FMN2: variants seen among roughly 807,000 people sequenced by gnomAD.
FMN2 encodes the protein formin-2.
FMN2 carries 51 observed loss-of-function variants against 142.3 expected under a neutral mutation model. That is an observed-to-expected ratio of 0.36 (90% confidence interval 0.29 to 0.45). FMN2 has a LOEUF of 0.45. FMN2 is among the 20% of genes least tolerant of loss of function. FMN2 has a pLI of 1.00. For synonymous variants in FMN2, 882 were observed against 869.8 expected (o/e 1.01, Z -0.25); for missense variants, 1,936 against 2,122.8 (o/e 0.91, Z 1.73).
chr1:240,331,876 C>G (rs940068177), intron 11 of FMN2, among the ~76,000 whole-genome samples: 1 of 152,146 alleles, frequency 6.6e-6, no homozygotes, highest in African/African-American at 2.4e-5. Flanking sequence ...TGCTGAATAT[C>G]TCATGTAATT....
intron 15 of FMN2, among the ~76,000 whole-genome samples, chr1:240,400,085 A>C (rs1287426121): frequency 6.6e-6 from 1 of 152,204 alleles, no homozygotes; most frequent in Admixed American, 6.5e-5. Flanking sequence ...ATGATACAGC[A>C]GCAACAAGCA....
At chr1:240,458,367 C>G (rs1676322858) in intron 16 of FMN2, 1 of 152,108 alleles carries the variant, frequency 6.6e-6, no homozygotes, top group Admixed American at 6.5e-5. Context: ...TTGTTGTACT[C>G]TTTTATGAGT....
chr1:240,383,988 G>A (rs1356946859), intron 14 of FMN2, among the ~76,000 whole-genome samples: 1 of 151,932 alleles, frequency 6.6e-6, no homozygotes, highest in Non-Finnish European at 1.5e-5. Context: ...ATAAAATTGT[G>A]TCCTTTACAG....
In FMN2 at chr1:240,207,639, C is replaced by T; in HGVS notation, c.2827C>T (p.Pro943Ser). 8.8e-7 allele frequency: 1 copy of T among 1,133,812 alleles called. No individual in the cohort carries two copies. Among genetic ancestry groups the T allele is most frequent in the South Asian group, 1.7e-5 (1 of 58,050 alleles). The allele number at this position is 1,133,812 out of a possible 1,614,324, so 70.2% of individuals were successfully genotyped here. ...PLPPLPGAGIPPPPPLPGAAI... is the reference protein window; with the variant it reads ...PLPPLPGAGISPPPPLPGAAI... ...GCCCCCTCTACCCGGAGCGGGAATA[C>T]CTCCTCCGCCCCCTCTACCCGGAGC... Residue 943 changes from proline to serine, a missense_variant, in exon 5 of 18, where the codon CCT (proline) becomes TCT (serine). Transcript: ENST00000319653.
chr1:240,451,248 C>T (rs1035369722), intron 16 of FMN2, among the ~76,000 whole-genome samples: 3 of 151,200 alleles, frequency 2.0e-5, no homozygotes, highest in African/African-American at 7.4e-5. Context: ...TACCTGTAAT[C>T]CTCATGAGGC....
chr1:240,461,884 A>C (rs9659270), intron 16 of FMN2, among the ~76,000 whole-genome samples: 7,053 of 152,190 alleles, frequency 0.046, 532 homozygotes, highest in African/African-American at 0.16. Flanking sequence ...CCACTGCCCC[A>C]CTGTAAATAG....
intron 3 of FMN2, among the ~76,000 whole-genome samples, chr1:240,184,939 C>T (rs1383334172): frequency 1.4e-5 from 2 of 148,002 alleles, no homozygotes; most frequent in Non-Finnish European, 3.0e-5. Flanking sequence ...CTTTCTCCCT[C>T]CTATACCTTC....
intron 6 of FMN2, among the ~76,000 whole-genome samples, chr1:240,226,835 T>TACACACACACAC (rs1190160042): frequency 7.0e-6 from 1 of 141,912 alleles, no homozygotes; most frequent in African/African-American, 2.6e-5. Context: ...CACACACACA[T>TACACACACACAC]ACACACACAC....
intron 14 of FMN2, 28 bp from the exon 15 acceptor site, chr1:240,392,483 A>G: frequency 6.3e-7 from 1 of 1,596,776 alleles, no homozygotes; most frequent in East Asian, 2.2e-5. Context: ...CATTTATCTC[A>G]TGTACTTTTA....
intron 13 of FMN2, among the ~76,000 whole-genome samples, chr1:240,337,394 T>G (rs1479038401): frequency 6.6e-6 from 1 of 152,042 alleles, no homozygotes; most frequent in Non-Finnish European, 1.5e-5. Context: ...TTTTTTGTAT[T>G]TCTAGTAGAG....
At chr1:240,467,731 G>A (rs935308680) in intron 16 of FMN2, among the ~76,000 whole-genome samples, 19 of 152,294 alleles carry the variant, frequency 1.2e-4, no homozygotes, top group African/African-American at 4.3e-4. Context: ...AGGAAAGTTT[G>A]CTTCGAGATG....
Position 240,093,606 on chromosome 1 carries a change from C to T in FMN2, c.1497C>T (p.Ser499=). 7.0e-7 allele frequency: 1 copy of T among 1,429,540 alleles called. No homozygotes were observed. Among genetic ancestry groups the T allele is most frequent in the Non-Finnish European group, 9.1e-7 (1 of 1,101,958 alleles). The allele number at this position is 1,429,540 out of a possible 1,614,324, so 88.6% of individuals were successfully genotyped here. ...LGARTPRVGG[S]AHLLERGVAS... ...CCCGCACGCCCCGGGTGGGAGGCTC[C>T]GCGCACCTGCTGGAGCGCGGGGTGG... Residue 499 remains serine, a synonymous_variant, in exon 1 of 18, where the codon TCC becomes TCT. Transcript: ENST00000319653.
intron 8 of FMN2, among the ~76,000 whole-genome samples, chr1:240,306,068 A>C (rs189207777): frequency 1.3e-5 from 2 of 148,876 alleles, no homozygotes; most frequent in Non-Finnish European, 3.0e-5. Context: ...TCCTGCCTCA[A>C]CCTCCTGAGT....
At chr1:240,448,203 T>A (rs2103202071) in intron 16 of FMN2, among the ~76,000 whole-genome samples, 1 of 152,288 alleles carries the variant, frequency 6.6e-6, no homozygotes, top group Middle Eastern at 3.4e-3. Flanking sequence ...GCACAGCTCA[T>A]TCCAGAATCA....
chr1:240,184,466 T>C (rs1354420373), intron 3 of FMN2, among the ~76,000 whole-genome samples: 1 of 150,816 alleles, frequency 6.6e-6, no homozygotes, highest in African/African-American at 2.4e-5. Context: ...TCTGCCCGCC[T>C]CGGCCTCCCG....
At chr1:240,217,084 G>A (rs1314926822) in intron 6 of FMN2, among the ~76,000 whole-genome samples, 1 of 152,188 alleles carries the variant, frequency 6.6e-6, no homozygotes, top group Non-Finnish European at 1.5e-5. Flanking sequence ...CCAATAAAAG[G>A]CTGCTTCTTA....
chr1:240,284,204 T>G (rs1336798181), intron 7 of FMN2, among the ~76,000 whole-genome samples: 1 of 152,202 alleles, frequency 6.6e-6, no homozygotes, highest in African/African-American at 2.4e-5. Context: ...TTTAACTGAT[T>G]CAAATGTATT....
intron 14 of FMN2, among the ~76,000 whole-genome samples, chr1:240,357,919 T>TAA (rs949269965): frequency 6.6e-6 from 1 of 151,010 alleles, no homozygotes; most frequent in Non-Finnish European, 1.5e-5. Flanking sequence ...GAAGATCTTT[T>TAA]AACCTCCTTG....
intron 15 of FMN2, among the ~76,000 whole-genome samples, chr1:240,418,153 G>A (rs1375449029): frequency 6.6e-6 from 1 of 150,652 alleles, no homozygotes; most frequent in East Asian, 1.9e-4. Flanking sequence ...TATTCAATCT[G>A]ATAGACTTTG....
Sources: gnomAD v4.1 joint callset for allele counts (sites outside exome capture counted in the v4.1 genomes callset) on GRCh38, gnomAD v4.1.1 for gene constraint, MANE v1.5 for transcripts, NCBI Gene and HGNC (gene_info 2026-07-23, HGNC 2026-07-21) for gene names.